The following LIMS1 variants were observed in gnomAD, a reference collection of about 807,000 sequenced individuals.
LIMS1 encodes LIM zinc finger domain containing 1.
LIMS1 carries 18 observed loss-of-function variants against 44.1 expected under a neutral mutation model. The ratio of observed to expected loss-of-function variants is 0.41; its 90% CI spans 0.28 to 0.61. The LOEUF (loss-of-function observed/expected upper bound fraction) is 0.61. Among genes scored for constraint, LIMS1 ranks in the 20% least tolerant of loss-of-function variants. The pLI, the probability that LIMS1 is intolerant of heterozygous loss-of-function variation, is 0.32. For missense variants in LIMS1, 201 were observed against 422.0 expected, an observed-to-expected ratio of 0.48 and a Z score of 4.59; for synonymous variants, 93 against 149.1, an observed-to-expected ratio of 0.62 and a Z score of 2.74.
intron 6 of LIMS1, 38 bp from the exon 7 acceptor site, chr2:108,676,568 T>C (rs760281657): frequency 6.5e-7 from 1 of 1,537,896 alleles, no homozygotes; most frequent in Admixed American, 2.2e-5. Context: ...ATATAAAATA[T>C]GGCAATTCAA....
At chr2:108,576,811 T>TAA (rs1685686691) in intron 1 of LIMS1, among the ~76,000 whole-genome samples, 1 of 152,036 alleles carries the variant, frequency 6.6e-6, no homozygotes, top group Non-Finnish European at 1.5e-5. Context: ...GAAGAGTAAA[T>TAA]AAGTCTCAGA....
intron 1 of LIMS1, among the ~76,000 whole-genome samples, chr2:108,538,520 A>C (rs979232363): frequency 1.3e-5 from 2 of 152,226 alleles, no homozygotes; most frequent in Non-Finnish European, 2.9e-5. Context: ...AGTGGGAGGC[A>C]CGGGACTCAG....
intron 1 of LIMS1, among the ~76,000 whole-genome samples, chr2:108,596,675 T>C (rs1278300206): frequency 1.3e-5 from 2 of 152,342 alleles, no homozygotes; most frequent in South Asian, 2.1e-4. Flanking sequence ...AATACAAAAT[T>C]AGCCAGGCGT....
intron 9 of LIMS1, 82 bp from the exon 10 acceptor site, chr2:108,683,803 T>C (rs1194638421): frequency 1.7e-5 from 12 of 694,308 alleles, no homozygotes; most frequent in Non-Finnish European, 2.9e-5. Context: ...TTTAGTTCAG[T>C]ACAATTACTG....
intron 1 of LIMS1, among the ~76,000 whole-genome samples, chr2:108,651,040 T>G (rs547802435): frequency 7.2e-5 from 11 of 152,208 alleles, no homozygotes; most frequent in African/African-American, 2.6e-4. Flanking sequence ...CTAGAAGAAG[T>G]AGACTTTACC....
In LIMS1 at chr2:108,549,022, A is replaced by C. The variant is rs199597739; in HGVS notation, c.32+14428A>C. Among the ~76,000 whole-genome samples the C allele has an allele frequency of 4.6e-5, 7 of 152,312 alleles. No homozygotes were observed. The East Asian group carries it at 9.6e-4, about 21-fold the overall frequency. On this transcript the variant is annotated intron_variant, in intron 1 of 9. Transcript: ENST00000544547. The stretch of plus-strand genomic sequence containing the variant: ...TTCTAAGAATATAGCACTTTTCTAC[A>C]AAAAGCTACCTATGCTTTTTGAGAT...
Position 108,606,237 on chromosome 2 carries a change from C to T in LIMS1, c.33-53368C>T, listed in dbSNP as rs575454803. Among the ~76,000 whole-genome samples, 9 of 152,368 alleles carry T rather than the reference C, an allele frequency of 5.9e-5. No homozygotes were observed. In the South Asian group the frequency reaches 1.2e-3, roughly 21 times the overall value. On this transcript the variant is annotated intron_variant, in intron 1 of 9. Coordinates refer to ENST00000544547, the Ensembl canonical transcript of LIMS1. ...TGCAAGTTGGAGTTGTGGTTTTACA[C>T]GTCAGTTCTAAAAGTTGGTGAATGA...
rs189684736 is a variant in LIMS1, at chr2:108,558,503, C to T, written c.32+23909C>T. On this transcript the variant is annotated intron_variant, in intron 1 of 9. Transcript: ENST00000544547. ...GGATTACAGGTGTGAGCCACCACAC[C>T]GGGACGATTTGTGCGTTTTTATAGT... Among the ~76,000 whole-genome samples the T allele has an allele frequency of 4.7e-3, 711 of 151,970 alleles. 4 individuals are homozygous for T. Among genetic ancestry groups the T allele is most frequent in the African/African-American group, 0.014 (591 of 41,428 alleles).
intron 1 of LIMS1, among the ~76,000 whole-genome samples, chr2:108,640,580 G>T (rs1264109841): frequency 6.6e-6 from 1 of 152,086 alleles, no homozygotes; most frequent in Non-Finnish European, 1.5e-5. Context: ...GCTCCTGAGT[G>T]GCCACTCTCT....
chr2:108,644,606 A>G (rs1445486999), intron 1 of LIMS1, among the ~76,000 whole-genome samples: 2 of 151,950 alleles, frequency 1.3e-5, no homozygotes, highest in African/African-American at 2.4e-5. Flanking sequence ...AAGGATCACA[A>G]CTCCTTGCCA....
In LIMS1 at chr2:108,556,866, G is replaced by T. The variant is rs147103237; in HGVS notation, c.32+22272G>T. On this transcript the variant is annotated intron_variant, in intron 1 of 9. Coordinates refer to ENST00000544547, the Ensembl canonical transcript of LIMS1. Reference sequence around the variant, plus strand: ...ATGTGAACCTGTGATCAGTCAAGCAGCTGACCAATCGTTACCTACTCCTCC... The same window carrying T: ...ATGTGAACCTGTGATCAGTCAAGCATCTGACCAATCGTTACCTACTCCTCC... Among the ~76,000 whole-genome samples the T allele has an allele frequency of 2.0e-5, 3 of 152,322 alleles. No individual in the cohort carries two copies. In the East Asian group the frequency reaches 5.8e-4, roughly 29 times the overall value.
At chr2:108,617,905 G>GA (rs1212818728) in intron 1 of LIMS1, among the ~76,000 whole-genome samples, 2 of 152,100 alleles carry the variant, frequency 1.3e-5, no homozygotes, top group African/African-American at 4.8e-5. Context: ...CAGCAGTTTG[G>GA]AAAAAAGGAC....
At position 108,642,124 on chromosome 2, in the gene LIMS1, A is replaced by G. The variant is rs117418036; in HGVS notation, c.33-17481A>G. On this transcript the variant is annotated intron_variant, in intron 1 of 9. Coordinates refer to ENST00000544547, the Ensembl canonical transcript of LIMS1. The stretch of plus-strand genomic sequence containing the variant: ...CTTCATCTAGTAGTTGTTATTGCCA[A>G]GTGCTCCGTTTAGCCATCAGTTATG... 1.8e-4 allele frequency among the ~76,000 whole-genome samples: 28 copies of G among 152,308 alleles called. No individual in the cohort carries two copies. In the East Asian group the frequency reaches 5.0e-3, roughly 27 times the overall value.
At chr2:108,605,456 C>G (rs530373412) in intron 1 of LIMS1, among the ~76,000 whole-genome samples, 5 of 152,308 alleles carry the variant, frequency 3.3e-5, no homozygotes, top group Non-Finnish European at 5.9e-5. Flanking sequence ...AGCTAAAGAG[C>G]TCACTCAAAA....
chr2:108,538,001 G>A (rs186613942), intron 1 of LIMS1, among the ~76,000 whole-genome samples: 10 of 152,298 alleles, frequency 6.6e-5, no homozygotes, highest in Admixed American at 5.9e-4. Context: ...TATAGGTCAT[G>A]TTCTTACCTA....
At chr2:108,549,351 G>A (rs1684607851) in intron 1 of LIMS1, among the ~76,000 whole-genome samples, 1 of 118,414 alleles carries the variant, frequency 8.4e-6, no homozygotes, top group African/African-American at 3.1e-5. Context: ...CTGGAGTGTA[G>A]TGGCATGATC....
chr2:108,645,912 T>TA (rs1249660086), intron 1 of LIMS1, among the ~76,000 whole-genome samples: 1 of 151,362 alleles, frequency 6.6e-6, no homozygotes, highest in Non-Finnish European at 1.5e-5. Flanking sequence ...GGGCATTACA[T>TA]AATGGTAGAG....
chr2:108,552,862 G>T (rs1159960267), intron 1 of LIMS1, among the ~76,000 whole-genome samples: 1 of 152,010 alleles, frequency 6.6e-6, no homozygotes, highest in East Asian at 1.9e-4. Flanking sequence ...ACAGACATGA[G>T]CCACTGTGCC....
At chr2:108,560,062 C>A (rs755780339) in intron 1 of LIMS1, among the ~76,000 whole-genome samples, 1 of 151,942 alleles carries the variant, frequency 6.6e-6, no homozygotes, top group Non-Finnish European at 1.5e-5. Context: ...GCCTTTCCTG[C>A]GGGGAGTTGT....
Sources: gnomAD v4.1 joint callset for allele counts (sites outside exome capture counted in the v4.1 genomes callset) on GRCh38, gnomAD v4.1.1 for gene constraint, MANE v1.5 for transcripts, NCBI Gene and HGNC (gene_info 2026-07-23, HGNC 2026-07-21) for gene names.